USP37: variants seen among roughly 807,000 people sequenced by gnomAD.
USP37 encodes ubiquitin carboxyl-terminal hydrolase 37.
In USP37, 27 loss-of-function variants were observed where a neutral mutation model predicts 124.0. That is an observed-to-expected ratio of 0.22 (90% confidence interval 0.16 to 0.30). The LOEUF is 0.30. USP37 is among the 10% of genes least tolerant of loss of function. The probability of loss-of-function intolerance (pLI) is 1.00; values close to 1 mark genes in which losing one functional copy is unlikely to be tolerated. For synonymous variants in USP37, 365 were observed against 388.0 expected, an observed-to-expected ratio of 0.94 and a Z score of 0.70; for missense variants, 889 against 1,140.4, an observed-to-expected ratio of 0.78 and a Z score of 3.17.
intron 8 of USP37, among the ~76,000 whole-genome samples, chr2:218,536,017 C>CAAAAAAAAAAAAAAAAAAAGAAAAA (rs1691621900): frequency 1.2e-5 from 1 of 80,832 alleles, no homozygotes; most frequent in Non-Finnish European, 2.3e-5. Context: ...GACTTCATCT[C>CAAAAAAAAAAAAAAAAAAAGAAAAA]AAAAAAAAAA....
At chr2:218,461,910 A>G (rs1690031302) in intron 22 of USP37, among the ~76,000 whole-genome samples, 1 of 152,212 alleles carries the variant, frequency 6.6e-6, no homozygotes, top group East Asian at 1.9e-4. Context: ...CAATCCCAAC[A>G]CTTTGGGAGG....
intron 22 of USP37, 117 bp downstream of exon 22, chr2:218,463,189 C>A: frequency 6.9e-6 from 1 of 144,296 alleles, no homozygotes; most frequent in Non-Finnish European, 1.4e-5. Context: ...CACACACACA[C>A]ACACACACAC....
Position 218,482,227 on chromosome 2 carries a change from T to G in USP37, c.1678A>C (p.Ile560Leu). 6.2e-7 allele frequency: 1 copy of G among 1,608,932 alleles called. No homozygotes were observed. Among genetic ancestry groups the G allele is most frequent in the Middle Eastern group, 1.7e-4 (1 of 6,046 alleles). The change falls in exon 17 of 26, where the codon ATT (isoleucine) becomes CTT (leucine). Residue 560 changes from isoleucine to leucine, a missense_variant. Ile to Leu is a conservative substitution (Grantham distance 5, BLOSUM62 2). This residue lies in a region of USP37 where 504 missense variants were observed against 714.3 expected (regional missense o/e 0.71). Transcript: ENST00000258399. ...HKFNRLPRVL[I>L]LHLKRYSFNV... ...AAGCTATATCGTTTCAAATGGAGAA[T>G]GAGGACCCTGAAAAACAGGAGATGA...
intron 8 of USP37, among the ~76,000 whole-genome samples, chr2:218,543,164 T>A (rs58230988): frequency 0.028 from 4,225 of 152,224 alleles, 189 homozygotes; most frequent in African/African-American, 0.095. Context: ...ATTTGAGACA[T>A]ATAAATTTAG....
chr2:218,497,878 AAGTT>A lies in USP37; in HGVS notation c.1158-25_1158-22del, dbSNP rs780908029. The A allele has an allele frequency of 1.7e-5, 27 of 1,609,288 alleles. No homozygotes were observed. In the East Asian group the frequency reaches 4.2e-4, roughly 25 times the overall value. On this transcript the variant is annotated intron_variant, in intron 12 of 25. Transcript: ENST00000258399. ...AGCGTCTAGTAAAACAAAAAACACAAAGTTAGCACGTTTTACATGACATGGCGTG... is the reference window on the plus strand; with the variant it reads ...AGCGTCTAGTAAAACAAAAAACACAAAGCACGTTTTACATGACATGGCGTG...
intron 8 of USP37, among the ~76,000 whole-genome samples, chr2:218,539,437 G>A (rs574748285): frequency 7.9e-5 from 12 of 152,120 alleles, no homozygotes; most frequent in Non-Finnish European, 1.5e-4. Flanking sequence ...TTTATTGGCC[G>A]GGCACAGTGG....
intron 10 of USP37, chr2:218,528,558 A>G (rs995820694): frequency 1.3e-5 from 5 of 381,870 alleles, no homozygotes; most frequent in Non-Finnish European, 1.8e-5. Flanking sequence ...TTTGCTGAGA[A>G]TGATGGTTTT....
At chr2:218,515,428 C>A (rs1249799982) in intron 10 of USP37, among the ~76,000 whole-genome samples, 1 of 152,010 alleles carries the variant, frequency 6.6e-6, no homozygotes, top group East Asian at 1.9e-4. Flanking sequence ...ACAAACCTGA[C>A]AAAAATAAGC....
chr2:218,476,173 A>G (rs1690962868), intron 19 of USP37, among the ~76,000 whole-genome samples: 1 of 152,332 alleles, frequency 6.6e-6, no homozygotes, highest in East Asian at 1.9e-4. Context: ...TTAACTATCC[A>G]TATAATTATC....
chr2:218,555,724 CCT>C (rs1692933432), intron 4 of USP37, among the ~76,000 whole-genome samples: 1 of 152,120 alleles, frequency 6.6e-6, no homozygotes, highest in South Asian at 2.1e-4. Flanking sequence ...TAAGCCCAGA[CCT>C]CTCTGTTGGA....
intron 8 of USP37, 24 bp downstream of exon 8, chr2:218,546,190 TAACACTA>T (rs769628361): frequency 6.4e-7 from 1 of 1,554,348 alleles, no homozygotes; most frequent in South Asian, 1.1e-5. Flanking sequence ...AACACTGCTC[TAACACTA>T]TAAAGGCCCT....
Position 218,452,193 on chromosome 2 carries a change from G to A in USP37, c.*2737C>T, listed in dbSNP as rs918975485. ...AATTGCCATCAAGTTCCAATTCAAT[G>A]TCATTTAAAGTAATGTAACCACACA... On this transcript the variant is annotated 3_prime_UTR_variant, in exon 26 of 26. Transcript: ENST00000258399. The A allele has an allele frequency of 6.6e-6, 1 of 152,078 alleles. No homozygotes were observed. Among genetic ancestry groups the A allele is most frequent in the African/African-American group, 2.4e-5 (1 of 41,400 alleles). 9.4% of individuals were successfully genotyped at this position (152,078 alleles called of 1,614,324 possible).
At chr2:218,567,078 T>A (rs1693647430) in intron 1 of USP37, among the ~76,000 whole-genome samples, 1 of 152,128 alleles carries the variant, frequency 6.6e-6, no homozygotes. Flanking sequence ...AATTTTTAAG[T>A]CATCAATATA....
Position 218,561,320 on chromosome 2 carries a change from T to C in USP37, c.-88-437A>G, listed in dbSNP as rs550810807. Reference sequence around the variant, plus strand: ...TCTTTGGCTTCCTTCTTGATAATTATTGGTATTAGATTAGAGATGGAAAGT... The same window carrying C: ...TCTTTGGCTTCCTTCTTGATAATTACTGGTATTAGATTAGAGATGGAAAGT... On this transcript the variant is annotated intron_variant, in intron 2 of 25. Coordinates refer to ENST00000258399, the MANE Select transcript of USP37 (RefSeq NM_020935.3). Among the ~76,000 whole-genome samples, 6 of 152,336 alleles carry C rather than the reference T, an allele frequency of 3.9e-5. No individual in the cohort carries two copies. The East Asian group carries it at 1.2e-3, about 29-fold the overall frequency.
intron 1 of USP37, among the ~76,000 whole-genome samples, chr2:218,566,963 T>C (rs1693638353): frequency 6.6e-6 from 1 of 152,138 alleles, no homozygotes; most frequent in South Asian, 2.1e-4. Context: ...GATTTGGCTG[T>C]GTTGCATCTG....
Position 218,559,124 on chromosome 2 carries a change from C to G in USP37, c.-24-447G>C, listed in dbSNP as rs1693180527. 2.6e-5 allele frequency among the ~76,000 whole-genome samples: 4 copies of G among 151,748 alleles called. No homozygotes were observed. In the South Asian group the frequency reaches 8.3e-4, roughly 32 times the overall value. ...GAATTTGAGACCAGCCTGGGCAACA[C>G]AGGGAGGCTCTATCGCTACAAAAAA... On this transcript the variant is annotated intron_variant, in intron 3 of 25. Transcript: ENST00000258399.
chr2:218,459,997 G>A (rs930791144), intron 22 of USP37, 92 bp from the exon 23 acceptor site: 23 of 824,196 alleles, frequency 2.8e-5, no homozygotes, highest in African/African-American at 3.5e-5. Flanking sequence ...TTGGGAGGCC[G>A]AGACAGGTGG....
Position 218,542,828 on chromosome 2 carries a change from T to C in USP37, c.680+3393A>G, listed in dbSNP as rs528783464. The stretch of plus-strand genomic sequence containing the variant: ...TACTTATTGTGTGCAAATACCTTTG[T>C]GCATAAACTCGCTAGAGTGAATTTT... On this transcript the variant is annotated intron_variant, in intron 8 of 25. Coordinates refer to ENST00000258399, the MANE Select transcript of USP37 (RefSeq NM_020935.3). Among the ~76,000 whole-genome samples the C allele has an allele frequency of 3.3e-5, 5 of 152,326 alleles. No homozygotes were observed. In the South Asian group the frequency reaches 1.0e-3, roughly 32 times the overall value.
rs1459876037 is a variant in USP37, at chr2:218,547,087, G to A, written c.434C>T (p.Ser145Phe). Residue 145 changes from serine to phenylalanine, a missense_variant, in exon 7 of 26, where the codon TCT (serine) becomes TTT (phenylalanine). This residue lies in a region of USP37 where 374 missense variants were observed against 386.0 expected (regional missense o/e 0.97). Coordinates refer to ENST00000258399, the MANE Select transcript of USP37 (RefSeq NM_020935.3). ...RQLSYSDNQA[S>F]AKRGSLETKD... is the part of the protein sequence containing the mutation. ...AGTTTCCAAACTTCCTCTTTTTGCA[G>A]AAGCCTGTAAAAATAAAGTTTGAGA... 6.3e-7 allele frequency: 1 copy of A among 1,591,774 alleles called. No homozygotes were observed. Among genetic ancestry groups the A allele is most frequent in the Non-Finnish European group, 8.5e-7 (1 of 1,174,570 alleles).
Sources: allele counts gnomAD v4.1 joint callset (sites outside exome capture counted in the v4.1 genomes callset), GRCh38; gene constraint gnomAD v4.1.1; regional missense constraint gnomAD v4.1.1; transcripts MANE v1.5; gene names NCBI Gene and HGNC (gene_info 2026-07-23, HGNC 2026-07-21).